The following SYNE1 variants were observed in gnomAD, a reference collection of about 807,000 sequenced individuals.
SYNE1 encodes nesprin-1.
Under a neutral mutation model 1,111.0 loss-of-function variants are expected in SYNE1, and 616 were observed. The observed-to-expected ratio is 0.55, with a 90% CI of 0.52 to 0.59. The LOEUF (loss-of-function observed/expected upper bound fraction) is 0.59. Among genes scored for constraint, SYNE1 ranks in the 20% least tolerant of loss-of-function variants. SYNE1 has a pLI of 0.00. For missense variants in SYNE1, 10,006 were observed against 10,417.0 expected, an observed-to-expected ratio of 0.96 and a Z score of 1.72; for synonymous variants, 3,855 against 3,825.8, an observed-to-expected ratio of 1.01 and a Z score of -0.28.
At chr6:152,298,438 T>C (rs575451660) in intron 93 of SYNE1, among the ~76,000 whole-genome samples, 2 of 152,330 alleles carry the variant, frequency 1.3e-5, no homozygotes, top group African/African-American at 4.8e-5. Flanking sequence ...TATTTCTACC[T>C]TCAAGTAAGC....
intron 3 of SYNE1, among the ~76,000 whole-genome samples, chr6:152,579,123 A>G (rs1429767095): frequency 1.3e-5 from 2 of 152,204 alleles, no homozygotes; most frequent in Non-Finnish European, 2.9e-5. Context: ...TCCAAAGATG[A>G]CAACAATAAT....
intron 1 of SYNE1, 94 bp downstream of exon 1, chr6:152,637,095 G>C (rs938060736): frequency 1.3e-5 from 2 of 152,388 alleles, no homozygotes; most frequent in Non-Finnish European, 2.9e-5. Context: ...CCCCCTCCCC[G>C]GCTCCGTGCC....
At chr6:152,334,325 T>G (rs1471250037) in intron 76 of SYNE1, 52 bp from the exon 77 acceptor site, 1 of 1,598,910 alleles carries the variant, frequency 6.3e-7, no homozygotes, top group Non-Finnish European at 8.5e-7. Context: ...AATGCCCAAA[T>G]AAATATAGAG....
chr6:152,603,560 A>G (rs891562599), intron 3 of SYNE1, among the ~76,000 whole-genome samples: 1 of 151,930 alleles, frequency 6.6e-6, no homozygotes, highest in Non-Finnish European at 1.5e-5. Context: ...TGGGTTAGGT[A>G]GTTCTGGGTT....
At chr6:152,164,621 A>G (rs191528336) in intron 130 of SYNE1, among the ~76,000 whole-genome samples, 154 of 152,328 alleles carry the variant, frequency 1.0e-3, no homozygotes, top group African/African-American at 3.5e-3. Context: ...GGGAAGAACC[A>G]CAGGTAGTAT....
intron 22 of SYNE1, 137 bp downstream of exon 22, chr6:152,458,620 T>C: frequency 1.2e-6 from 1 of 831,674 alleles, no homozygotes; most frequent in South Asian, 1.6e-5. Flanking sequence ...ACAAGACATG[T>C]ATTTTTGTTT....
chr6:152,328,375 T>TTTTA (rs1563099327), intron 78 of SYNE1, among the ~76,000 whole-genome samples: 1 of 133,528 alleles, frequency 7.5e-6, no homozygotes, highest in African/African-American at 2.9e-5. Flanking sequence ...TCTCTTCTTA[T>TTTTA]TTTATTTTAT....
chr6:152,382,998 A>T (rs1413583426), intron 55 of SYNE1, among the ~76,000 whole-genome samples: 2 of 152,210 alleles, frequency 1.3e-5, no homozygotes, highest in African/African-American at 4.8e-5. Context: ...TTTGCTTTAG[A>T]GTTGCCTTTT....
At chr6:152,321,519 T>C in intron 83 of SYNE1, 129 bp from the exon 84 acceptor site, 1 of 1,305,042 alleles carries the variant, frequency 7.7e-7, no homozygotes, top group Admixed American at 2.5e-5. Flanking sequence ...ACAACATTGT[T>C]CTTTTGTCTC....
At chr6:152,132,012 C>G in intron 144 of SYNE1, 110 bp downstream of exon 144, 1 of 944,026 alleles carries the variant, frequency 1.1e-6, no homozygotes. Context: ...TGTGTGACAG[C>G]CCTCCTCTGG....
chr6:152,358,588 G>T, intron 65 of SYNE1, 51 bp from the exon 66 acceptor site: 1 of 1,577,730 alleles, frequency 6.3e-7, no homozygotes. Flanking sequence ...ACTTTATAAA[G>T]CATCAGTGTG....
At chr6:152,490,584 C>A (rs1038441317) in intron 11 of SYNE1, among the ~76,000 whole-genome samples, 1 of 152,094 alleles carries the variant, frequency 6.6e-6, no homozygotes, top group African/African-American at 2.4e-5. Flanking sequence ...GAGAAAAACC[C>A]CCTTTGACTG....
At chr6:152,413,286 G>T in intron 42 of SYNE1, 66 bp downstream of exon 42, 3 of 1,519,112 alleles carry the variant, frequency 2.0e-6, no homozygotes, top group East Asian at 2.3e-5. Context: ...CACAAAACAG[G>T]CAATGTCCCA....
rs758382692 is a variant in SYNE1, at chr6:152,455,415, G to A, written c.2892+11C>T. Reference sequence around the variant, plus strand: ...TATTCAGGTCAAGTGTCCCCTAAAGGGTGGACTCACAGTGTGTCTCCGCAG... The same window carrying A: ...TATTCAGGTCAAGTGTCCCCTAAAGAGTGGACTCACAGTGTGTCTCCGCAG... On this transcript the variant is annotated intron_variant, in intron 24 of 145. Transcript: ENST00000367255. 1 of 1,612,692 alleles carries A rather than the reference G, an allele frequency of 6.2e-7. No homozygotes were observed. The highest frequency in any genetic ancestry group is 2.2e-5 in the East Asian group (1 of 44,826).
At chr6:152,198,095 A>T (rs1161633836) in intron 127 of SYNE1, among the ~76,000 whole-genome samples, 1 of 134,614 alleles carries the variant, frequency 7.4e-6, no homozygotes, top group East Asian at 2.6e-4. Context: ...GAAGGAAGGG[A>T]GGGAGGGAGG....
At chr6:152,171,580 G>T in intron 130 of SYNE1, among the ~76,000 whole-genome samples, 1 of 152,160 alleles carries the variant, frequency 6.6e-6, no homozygotes, top group Non-Finnish European at 1.5e-5. Flanking sequence ...CTGGAGAGAA[G>T]GAAAAACAGG....
intron 63 of SYNE1, among the ~76,000 whole-genome samples, chr6:152,363,042 G>A (rs928047461): frequency 4.6e-5 from 7 of 150,894 alleles, no homozygotes; most frequent in Middle Eastern, 3.4e-3. Flanking sequence ...CACCATGCCC[G>A]GCTAATTTTT....
chr6:152,151,887 T>C, intron 134 of SYNE1, 72 bp downstream of exon 134: 6 of 1,568,494 alleles, frequency 3.8e-6, no homozygotes, highest in Non-Finnish European at 5.2e-6. Flanking sequence ...TGAGACTGTG[T>C]CTCAAGACTG....
chr6:152,283,618 C>T (rs2153730590), intron 96 of SYNE1, among the ~76,000 whole-genome samples: 1 of 152,292 alleles, frequency 6.6e-6, no homozygotes, highest in African/African-American at 2.4e-5. Flanking sequence ...CTCACCACAA[C>T]CTCTGCCTCC....
Sources: allele counts gnomAD v4.1 joint callset (sites outside exome capture counted in the v4.1 genomes callset), GRCh38; gene constraint gnomAD v4.1.1; transcripts MANE v1.5; gene names NCBI Gene and HGNC (gene_info 2026-07-23, HGNC 2026-07-21).